DGKG: variants seen among roughly 807,000 people sequenced by gnomAD.
DGKG encodes the protein diacylglycerol kinase gamma.
In DGKG, 78 loss-of-function variants were observed where a neutral mutation model predicts 105.3. That is an observed-to-expected ratio of 0.74 (90% CI 0.62 to 0.89). The LOEUF (loss-of-function observed/expected upper bound fraction) is 0.89, where lower values mean the gene tolerates loss of function less well. Ranked by LOEUF, DGKG falls within the 40% of genes least tolerant of loss-of-function variation. DGKG has a pLI of 0.00. For synonymous variants in DGKG, 346 were observed against 367.1 expected, an observed-to-expected ratio of 0.94 and a Z score of 0.66; for missense variants, 958 against 1,020.1, an observed-to-expected ratio of 0.94 and a Z score of 0.83.
chr3:186,296,749 A>G (rs750635738), intron 5 of DGKG, among the ~76,000 whole-genome samples: 1 of 152,222 alleles, frequency 6.6e-6, no homozygotes, highest in Non-Finnish European at 1.5e-5. Flanking sequence ...CTGGCTCCAC[A>G]GGTCACACCA....
intron 20 of DGKG, among the ~76,000 whole-genome samples, chr3:186,228,848 A>G (rs1340970178): frequency 2.0e-5 from 3 of 152,126 alleles, no homozygotes; most frequent in Non-Finnish European, 2.9e-5. Context: ...TTCTTGTGTG[A>G]AGGTCTGGGG....
At position 186,333,698 on chromosome 3, in the gene DGKG, C is replaced by T. The variant is rs185076743; in HGVS notation, c.-248-12991G>A. On this transcript the variant is annotated intron_variant, in intron 1 of 24. Transcript: ENST00000265022. ...ATCCAAGAAGGTAAGAAAATGACAG[C>T]TCCATTAAGGCTAGCAGCTCATTCC... Among the ~76,000 whole-genome samples, 185 of 152,290 alleles carry T rather than the reference C, an allele frequency of 1.2e-3. 2 individuals are homozygous for T. The highest frequency in any genetic ancestry group is 4.2e-3 in the African/African-American group (175 of 41,554).
intron 19 of DGKG, among the ~76,000 whole-genome samples, chr3:186,244,699 G>A (rs767763469): frequency 3.3e-5 from 5 of 152,130 alleles, no homozygotes; most frequent in African/African-American, 9.7e-5. Flanking sequence ...GAGCCACCAG[G>A]CCTGGCCAAT....
At chr3:186,282,154 A>T (rs1722859158) in intron 7 of DGKG, among the ~76,000 whole-genome samples, 1 of 152,182 alleles carries the variant, frequency 6.6e-6, no homozygotes, top group Non-Finnish European at 1.5e-5. Flanking sequence ...GCAGAGAGGG[A>T]TGCAGGGAAG....
At position 186,270,039 on chromosome 3, in the gene DGKG, G is replaced by A. The variant is rs541029937; in HGVS notation, c.1000-1122C>T. On this transcript the variant is annotated intron_variant, in intron 11 of 24. Coordinates refer to ENST00000265022, the MANE Select transcript of DGKG (RefSeq NM_001346.3). ...GATATGGACTCTGGGAGAAGGTGGG[G>A]GACATACCCTGAAGTGCCTAGCCAC... 1.9e-4 allele frequency among the ~76,000 whole-genome samples: 29 copies of A among 152,274 alleles called. No homozygotes were observed. The South Asian group carries it at 5.2e-3, about 27-fold the overall frequency.
chr3:186,156,528 C>A (rs552492438), intron 24 of DGKG, among the ~76,000 whole-genome samples: 8 of 152,114 alleles, frequency 5.3e-5, no homozygotes, highest in African/African-American at 1.7e-4. Flanking sequence ...ATTTTAATAT[C>A]TTGCGAGAAG....
At chr3:186,279,467 G>A (rs990127237) in intron 9 of DGKG, 9 of 157,062 alleles carry the variant, frequency 5.7e-5, no homozygotes, top group Non-Finnish European at 1.3e-4. Context: ...CTCTCCCTTC[G>A]TTCTTTCCTC....
At chr3:186,311,244 A>G (rs1302833182) in intron 2 of DGKG, among the ~76,000 whole-genome samples, 1 of 152,210 alleles carries the variant, frequency 6.6e-6, no homozygotes, top group East Asian at 1.9e-4. Context: ...CCATTCTAGG[A>G]CATGATTTTA....
At chr3:186,312,354 T>TA (rs1724596331) in intron 2 of DGKG, among the ~76,000 whole-genome samples, 1 of 152,102 alleles carries the variant, frequency 6.6e-6, no homozygotes, top group African/African-American at 2.4e-5. Flanking sequence ...TGGGATCTGG[T>TA]AAAAATGCAG....
intron 6 of DGKG, 114 bp downstream of exon 6, chr3:186,288,596 G>T: frequency 9.0e-7 from 1 of 1,116,734 alleles, no homozygotes; most frequent in Non-Finnish European, 1.3e-6. Flanking sequence ...CCAAAGAGGC[G>T]GGACGCATAT....
At chr3:186,166,245 GGAC>G (rs2108481646) in intron 22 of DGKG, among the ~76,000 whole-genome samples, 1 of 10,478 alleles carries the variant, frequency 9.5e-5, no homozygotes, top group Admixed American at 1.7e-3. Context: ...GATCACTAAT[GGAC>G]ATCACTAATG....
chr3:186,267,612 T>A, intron 13 of DGKG, 73 bp downstream of exon 13: 1 of 1,151,294 alleles, frequency 8.7e-7, no homozygotes, highest in Admixed American at 1.7e-5. Context: ...AGGATGTGAA[T>A]GTCTGAAAGC....
chr3:186,197,273 A>T (rs1320821878), intron 21 of DGKG, among the ~76,000 whole-genome samples: 1 of 152,112 alleles, frequency 6.6e-6, no homozygotes, highest in African/African-American at 2.4e-5. Flanking sequence ...ATCCTGACAC[A>T]CTTGAATAGG....
At chr3:186,234,749 T>A (rs557245230) in intron 20 of DGKG, among the ~76,000 whole-genome samples, 38 of 152,108 alleles carry the variant, frequency 2.5e-4, no homozygotes, top group Non-Finnish European at 4.4e-4. Flanking sequence ...GTCTGAGAGG[T>A]TGTGCTGTCT....
chr3:186,357,782 A>G (rs1727044004), intron 1 of DGKG, among the ~76,000 whole-genome samples: 1 of 150,652 alleles, frequency 6.6e-6, no homozygotes, highest in Non-Finnish European at 1.5e-5. Flanking sequence ...AGACATAGAC[A>G]CACACTTTGC....
chr3:186,353,565 G>GTATATATA (rs66460527), intron 1 of DGKG, among the ~76,000 whole-genome samples: 13 of 117,016 alleles, frequency 1.1e-4, no homozygotes, highest in East Asian at 6.8e-4. Flanking sequence ...TTTTATGTAT[G>GTATATATA]TATATATATA....
At chr3:186,265,347 A>G in intron 13 of DGKG, 41 bp from the exon 14 acceptor site, 2 of 1,582,680 alleles carry the variant, frequency 1.3e-6, no homozygotes, top group Non-Finnish European at 1.7e-6. Flanking sequence ...TTGGAAAAAG[A>G]AGCCTAACAC....
intron 1 of DGKG, among the ~76,000 whole-genome samples, chr3:186,360,070 G>T (rs1195636064): frequency 6.6e-6 from 1 of 151,982 alleles, no homozygotes; most frequent in African/African-American, 2.4e-5. Flanking sequence ...TTCTTTCCTC[G>T]CAGAGGCTCA....
chr3:186,357,756 C>A (rs1225686053), intron 1 of DGKG, among the ~76,000 whole-genome samples: 1 of 152,188 alleles, frequency 6.6e-6, no homozygotes, highest in African/African-American at 2.4e-5. Flanking sequence ...GCAGAGGATA[C>A]AGTGGAAAAC....
Sources: allele counts gnomAD v4.1 joint callset (sites outside exome capture counted in the v4.1 genomes callset), GRCh38; gene constraint gnomAD v4.1.1; transcripts MANE v1.5; gene names NCBI Gene and HGNC (gene_info 2026-07-23, HGNC 2026-07-21).